Variants in CDC27 observed in about 807,000 individuals in gnomAD.
The protein encoded by CDC27 is cell division cycle protein 27 homolog.
A neutral mutation model predicts 109.7 loss-of-function variants in CDC27; 27 were observed. The ratio of observed to expected loss-of-function variants is 0.25; its 90% CI spans 0.18 to 0.34. CDC27 has a LOEUF of 0.34. Ranked by LOEUF, CDC27 falls within the 10% of genes least tolerant of loss-of-function variation. The pLI is 1.00. For missense variants in CDC27, 579 were observed against 960.2 expected, an observed-to-expected ratio of 0.60 and a Z score of 5.25; for synonymous variants, 266 against 333.9, an observed-to-expected ratio of 0.80 and a Z score of 2.22.
chr17:47,159,418 T>C, intron 4 of CDC27: 2 of 1,000,592 alleles, frequency 2.0e-6, no homozygotes, highest in Non-Finnish European at 2.9e-6. Context: ...CAGTCATCGA[T>C]ACCAGTCATC....
chr17:47,167,194 G>A (rs995479764), intron 4 of CDC27, among the ~76,000 whole-genome samples: 1 of 152,186 alleles, frequency 6.6e-6, no homozygotes, highest in African/African-American at 2.4e-5. Context: ...ATTTCCAAAT[G>A]TTTTGAGATT....
rs755680074 is a variant in CDC27 at position 47,171,886 on chromosome 17, C to T, written c.251+31G>A. ...CCAAAATTCAACAGTGTAAGTAAAACAAAATAGCTAGAAAATATTTTAAAA... is the reference window on the plus strand; with the variant it reads ...CCAAAATTCAACAGTGTAAGTAAAATAAAATAGCTAGAAAATATTTTAAAA... On this transcript the variant is annotated intron_variant, in intron 3 of 18. Coordinates refer to ENST00000066544, the MANE Select transcript of CDC27 (RefSeq NM_001256.6). The T allele has an allele frequency of 2.6e-6, 4 of 1,537,740 alleles. No homozygotes were observed. In the African/African-American group the frequency reaches 4.2e-5, roughly 16 times the overall value.
intron 4 of CDC27, among the ~76,000 whole-genome samples, chr17:47,164,819 A>AAACAAC (rs552187448): frequency 1.3e-5 from 2 of 152,098 alleles, no homozygotes; most frequent in Non-Finnish European, 2.9e-5. Context: ...ATTCCATTTC[A>AAACAAC]AACAACAACA....
At chr17:47,178,625 T>C (rs1848975779) in intron 2 of CDC27, among the ~76,000 whole-genome samples, 1 of 151,912 alleles carries the variant, frequency 6.6e-6, no homozygotes, top group Non-Finnish European at 1.5e-5. Context: ...GTAAAGGACT[T>C]TCTATGTGCC....
intron 1 of CDC27, among the ~76,000 whole-genome samples, chr17:47,182,054 G>C (rs2064262831): frequency 6.6e-6 from 1 of 152,118 alleles, no homozygotes; most frequent in African/African-American, 2.4e-5. Flanking sequence ...ATGGTTATTT[G>C]TTAACAGGAC....
chr17:47,172,073 A>G lies in CDC27; in HGVS notation c.104-9T>C. ...GGCTTCTTCTGAGTGTACTAAAAACAGACATTTTTTAAAAAGGCTATTGTT... is the reference window on the plus strand; with the variant it reads ...GGCTTCTTCTGAGTGTACTAAAAACGGACATTTTTTAAAAAGGCTATTGTT... On this transcript the variant is annotated splice_polypyrimidine_tract_variant and intron_variant, in intron 2 of 18. Coordinates refer to ENST00000066544, the MANE Select transcript of CDC27 (RefSeq NM_001256.6). 6.5e-7 allele frequency: 1 copy of G among 1,539,424 alleles called. No homozygotes were observed. The highest frequency in any genetic ancestry group is 8.7e-7 in the Non-Finnish European group (1 of 1,149,124).
chr17:47,151,706 T>C, intron 9 of CDC27, 100 bp downstream of exon 9: 1 of 860,674 alleles, frequency 1.2e-6, no homozygotes, highest in South Asian at 2.5e-5. Flanking sequence ...TTACAGTAGT[T>C]ATTCTAGAAT....
Position 47,118,489 on chromosome 17 carries a change from T to C in CDC27, c.*2446A>G, listed in dbSNP as rs1449630784. 3 of 152,674 alleles carry C rather than the reference T, an allele frequency of 2.0e-5. No individual in the cohort carries two copies. Among genetic ancestry groups the C allele is most frequent in the African/African-American group, 7.2e-5 (3 of 41,444 alleles). 9.5% of individuals were successfully genotyped at this position (152,674 alleles called of 1,614,324 possible). On this transcript the variant is annotated 3_prime_UTR_variant, in exon 19 of 19. Transcript: ENST00000066544. ...TTCTGAACAAGTGTGTGCGCGTATA[T>C]ATATATGTATATAGATGTATTAAGT...
chr17:47,153,033 C>A (rs1206903394), intron 8 of CDC27, among the ~76,000 whole-genome samples: 1 of 152,204 alleles, frequency 6.6e-6, no homozygotes, highest in East Asian at 1.9e-4. Flanking sequence ...ACCACCACTT[C>A]AAAATAAAAC....
rs920046994 is a variant in CDC27 at position 47,117,903 on chromosome 17, C to T, written c.*3032G>A. On this transcript the variant is annotated 3_prime_UTR_variant, in exon 19 of 19. Coordinates refer to ENST00000066544, the MANE Select transcript of CDC27 (RefSeq NM_001256.6). ...TACAGATGGCACAGCTTTCATATAGCTTTAACAACTTGATTATAAATTGCT... is the reference window on the plus strand; with the variant it reads ...TACAGATGGCACAGCTTTCATATAGTTTTAACAACTTGATTATAAATTGCT... 2 of 152,120 alleles carry T rather than the reference C, an allele frequency of 1.3e-5. No homozygotes were observed. Among genetic ancestry groups the T allele is most frequent in the Admixed American group, 6.6e-5 (1 of 15,242 alleles). The allele number at this position is 152,120 out of a possible 1,614,324, so 9.4% of individuals were successfully genotyped here.
At chr17:47,142,685 A>G (rs527892869) in intron 10 of CDC27, among the ~76,000 whole-genome samples, 2 of 152,286 alleles carry the variant, frequency 1.3e-5, no homozygotes, top group Non-Finnish European at 2.9e-5. Context: ...CTCTTGTGAA[A>G]GTATATCAAA....
At chr17:47,154,020 T>TA in intron 8 of CDC27, among the ~76,000 whole-genome samples, 1 of 146,122 alleles carries the variant, frequency 6.8e-6, no homozygotes, top group South Asian at 2.1e-4. Flanking sequence ...GCCTGGGAGG[T>TA]AGAGGCTACA....
chr17:47,176,558 G>A (rs535347493), intron 2 of CDC27, among the ~76,000 whole-genome samples: 5 of 152,152 alleles, frequency 3.3e-5, no homozygotes, highest in Non-Finnish European at 7.3e-5. Context: ...GCAGAAAATG[G>A]CAATATATGA....
intron 12 of CDC27, among the ~76,000 whole-genome samples, 181 bp from the exon 13 acceptor site, chr17:47,139,072 G>A (rs933753315): frequency 1.8e-4 from 27 of 152,102 alleles, no homozygotes; most frequent in African/African-American, 6.5e-4. Context: ...AAATAGTGAT[G>A]TAACCATATT....
At chr17:47,180,275 T>C (rs1229638382) in intron 2 of CDC27, among the ~76,000 whole-genome samples, 1 of 152,186 alleles carries the variant, frequency 6.6e-6, no homozygotes, top group East Asian at 1.9e-4. Context: ...TTCTAAGCCT[T>C]CCATTCCTTC....
At chr17:47,148,753 C>G (rs145171680) in intron 9 of CDC27, among the ~76,000 whole-genome samples, 27 of 152,126 alleles carry the variant, frequency 1.8e-4, no homozygotes, top group African/African-American at 6.3e-4. Flanking sequence ...AGCCAAAAAA[C>G]CAGTAAAGCA....
chr17:47,158,820 T>C (rs539956830), intron 4 of CDC27, among the ~76,000 whole-genome samples: 36 of 152,286 alleles, frequency 2.4e-4, no homozygotes, highest in African/African-American at 7.9e-4. Context: ...GGCTTCACCA[T>C]TGATGCCCAG....
At chr17:47,159,405 T>C in intron 4 of CDC27, 2 of 998,630 alleles carry the variant, frequency 2.0e-6, no homozygotes, top group South Asian at 1.7e-5. Flanking sequence ...GGCTGAGGTG[T>C]AGCAGTCATC....
intron 3 of CDC27, among the ~76,000 whole-genome samples, chr17:47,170,771 T>C (rs1187747110): frequency 2.0e-5 from 3 of 152,164 alleles, no homozygotes; most frequent in African/African-American, 4.8e-5. Context: ...GAAATGTATA[T>C]GCAAATTAAA....
Sources: allele counts gnomAD v4.1 joint callset (sites outside exome capture counted in the v4.1 genomes callset), GRCh38; gene constraint gnomAD v4.1.1; transcripts MANE v1.5; gene names NCBI Gene and HGNC (gene_info 2026-07-23, HGNC 2026-07-21).